ARHGEF18: variants seen among roughly 807,000 people sequenced by gnomAD.
ARHGEF18 encodes rho guanine nucleotide exchange factor 18.
Under a neutral mutation model 155.7 loss-of-function variants are expected in ARHGEF18, and 93 were observed. The observed-to-expected ratio is 0.60, with a 90% CI of 0.50 to 0.71. ARHGEF18 has a LOEUF of 0.71. ARHGEF18 is among the 30% of genes least tolerant of loss of function. The pLI, the probability that ARHGEF18 is intolerant of heterozygous loss-of-function variation, is 0.00. For missense variants in ARHGEF18, 1,593 were observed against 1,816.1 expected (o/e 0.88, Z 2.23); for synonymous variants, 742 against 753.1 (o/e 0.99, Z 0.24).
intron 10 of ARHGEF18, among the ~76,000 whole-genome samples, chr19:7,415,680 A>T (rs996209932): frequency 1.3e-5 from 2 of 151,420 alleles, no homozygotes; most frequent in African/African-American, 4.9e-5. Context: ...TGAAGCGCGT[A>T]TTTGTTAAGC....
intron 17 of ARHGEF18, among the ~76,000 whole-genome samples, chr19:7,455,482 C>G (rs1450737094): frequency 6.6e-6 from 1 of 152,158 alleles, no homozygotes; most frequent in East Asian, 1.9e-4. Context: ...AGCCTTACAG[C>G]ACGAGAGGTT....
At position 7,442,153 on chromosome 19, in the gene ARHGEF18, CCTTCCTTCCTTCCTTCCTTA is replaced by C. The variant is rs1313704314; in HGVS notation, c.1360+102_1360+121del. On this transcript the variant is annotated intron_variant, in intron 13 of 28. Coordinates refer to ENST00000668164, the MANE Select transcript of ARHGEF18 (RefSeq NM_001367823.1). ...TCCTTCCTTCCTTCCTTCCTTCCTT[CCTTCCTTCCTTCCTTCCTTA>C]TCTTTTTCTTTCTTTCTTTCTCTCT... The C allele has an allele frequency of 4.4e-3, 4,143 of 942,978 alleles. 109 individuals are homozygous for C. The African/African-American group carries it at 0.12, about 26-fold the overall frequency. The allele number at this position is 942,978 out of a possible 1,614,324, so 58.4% of individuals were successfully genotyped here. A position where few individuals can be genotyped will look rare whatever the true frequency, so the allele number is the denominator to read the frequency against.
intron 10 of ARHGEF18, among the ~76,000 whole-genome samples, chr19:7,396,446 G>C (rs1246055468): frequency 1.3e-5 from 2 of 152,060 alleles, no homozygotes; most frequent in Non-Finnish European, 2.9e-5. Context: ...GGCTGGGCGC[G>C]GTGGCTCAAG....
chr19:7,477,354 G>A (rs1193575425), downstream of ARHGEF18: 1 of 1,556,744 alleles, frequency 6.4e-7, no homozygotes, highest in East Asian at 2.4e-5. Context: ...GCGTTGGCCA[G>A]GTCGGCCAGG....
At chr19:7,477,466 C>A, downstream of ARHGEF18, 1 of 1,387,950 alleles carries the variant, frequency 7.2e-7, no homozygotes, top group South Asian at 1.6e-5. Flanking sequence ...CGCTTACACT[C>A]ACGCTCACAC....
Position 7,372,890 on chromosome 19 carries a change from T to C in ARHGEF18, c.94T>C (p.Tyr32His), listed in dbSNP as rs947984410. The C allele has an allele frequency of 9.7e-6, 12 of 1,234,256 alleles. No individual in the cohort carries two copies. Among genetic ancestry groups the C allele is most frequent in the Non-Finnish European group, 1.2e-5 (12 of 988,246 alleles). The allele number at this position is 1,234,256 out of a possible 1,614,324, so 76.5% of individuals were successfully genotyped here. ...TTTGGGGGCCCTTCAGGGCAGCGAG[T>C]ATCTGCAGGACCTGGGCCTTGGGGC... ...LDLGALQGSE[Y>H]LQDLGLGAPS... The change falls in exon 3 of 29, where the codon TAT becomes CAT. Residue 32 changes from tyrosine (Y) to histidine (H), a missense_variant. By Grantham distance (83) the Tyr-to-His change is moderately conservative (BLOSUM62 2). Coordinates refer to ENST00000668164, the MANE Select transcript of ARHGEF18 (RefSeq NM_001367823.1).
In ARHGEF18 at chr19:7,440,207, C is replaced by G; in HGVS notation, c.968-137C>G. 1 of 1,551,694 alleles carries G rather than the reference C, an allele frequency of 6.4e-7. No homozygotes were observed. Among genetic ancestry groups the G allele is most frequent in the Non-Finnish European group, 8.7e-7 (1 of 1,147,006 alleles). On this transcript the variant is annotated intron_variant, in intron 10 of 28. Transcript: ENST00000668164. This position sits in a 1 kb window ranked among gnomAD's most constrained non-coding sequence, Gnocchi z 5.4. ...TCCCCAGGAAATGGAGCGAGAACGTCTTCTTGGATAACGAGCTGCTGACCT... is the reference window on the plus strand; with the variant it reads ...TCCCCAGGAAATGGAGCGAGAACGTGTTCTTGGATAACGAGCTGCTGACCT...
chr19:7,370,882 T>C (rs898895225), intron 2 of ARHGEF18, among the ~76,000 whole-genome samples: 1 of 151,474 alleles, frequency 6.6e-6, no homozygotes. Flanking sequence ...GTCGGGTTCA[T>C]AGATTTACCA....
rs1043409 is a variant in ARHGEF18, at chr19:7,471,255, A to T, written c.*957A>T. 0.043 allele frequency: 6,809 copies of T among 159,734 alleles called. 179 individuals carry two copies. The highest frequency in any genetic ancestry group is 0.061 in the Non-Finnish European group (4,443 of 73,184). 9.9% of individuals were successfully genotyped at this position (159,734 alleles called of 1,614,324 possible). A position where few individuals can be genotyped will look rare whatever the true frequency, so the allele number is the denominator to read the frequency against. ...CGCCATGTCCCAGGGCATGCAGAGG[A>T]TGCACCTAGAGACGTTGCAGCAAGT... On this transcript the variant is annotated 3_prime_UTR_variant, in exon 29 of 29. Coordinates refer to ENST00000668164, the MANE Select transcript of ARHGEF18 (RefSeq NM_001367823.1). The surrounding 1 kb of genome is among the most constrained non-coding windows in gnomAD (Gnocchi z 4.4).
At chr19:7,419,281 T>C (rs894301651) in intron 10 of ARHGEF18, among the ~76,000 whole-genome samples, 2 of 114,540 alleles carry the variant, frequency 1.7e-5, no homozygotes, top group African/African-American at 1.2e-4. Context: ...GTGCCCACAC[T>C]CGGCCCCCGC....
At position 7,462,175 on chromosome 19, in the gene ARHGEF18, C is replaced by G. The variant is rs1428545057; in HGVS notation, c.2476C>G (p.Leu826Val). Residue 826 changes from leucine to valine, a missense_variant, in exon 21 of 29, where the codon CTG becomes GTG. Coordinates refer to ENST00000668164, the MANE Select transcript of ARHGEF18 (RefSeq NM_001367823.1). This position sits in a 1 kb window ranked among gnomAD's most constrained non-coding sequence, Gnocchi z 4.4. ...AGAGCGGTTGAGCATGAAAGACCAGCTGATCGCACAGAGCCTCCTAGAGAA... is the reference window on the plus strand; with the variant it reads ...AGAGCGGTTGAGCATGAAAGACCAGGTGATCGCACAGAGCCTCCTAGAGAA... ...FQERLSMKDQ[L>V]IAQSLLEKQQ... 10 of 1,613,948 alleles carry G rather than the reference C, an allele frequency of 6.2e-6. No homozygotes were observed. Among genetic ancestry groups the G allele is most frequent in the Non-Finnish European group, 5.9e-6 (7 of 1,180,026 alleles).
At chr19:7,354,636 A>G (rs986835127) in intron 1 of ARHGEF18, among the ~76,000 whole-genome samples, 5 of 152,016 alleles carry the variant, frequency 3.3e-5, no homozygotes, top group African/African-American at 1.2e-4. Flanking sequence ...ATGTGGCTCA[A>G]TGCCTGCAAT....
chr19:7,362,035 GAGA>G (rs1169219448), intron 1 of ARHGEF18, among the ~76,000 whole-genome samples: 1 of 54,484 alleles, frequency 1.8e-5, no homozygotes, highest in African/African-American at 1.2e-4. Flanking sequence ...GAAGGAGAAG[GAGA>G]AGGAGAAGGA....
intron 17 of ARHGEF18, among the ~76,000 whole-genome samples, chr19:7,455,714 G>A (rs2145854093): frequency 6.6e-6 from 1 of 152,292 alleles, no homozygotes; most frequent in Non-Finnish European, 1.5e-5. Context: ...CAAAGAAAGA[G>A]GTTTAATGGA....
chr19:7,413,443 A>G (rs537976641), intron 10 of ARHGEF18, among the ~76,000 whole-genome samples: 130 of 151,950 alleles, frequency 8.6e-4, no homozygotes, highest in African/African-American at 2.9e-3. Flanking sequence ...CTGGGACTAC[A>G]GGCGCCCGCC....
At chr19:7,409,612 T>A (rs1026473613) in intron 10 of ARHGEF18, among the ~76,000 whole-genome samples, 17 of 150,288 alleles carry the variant, frequency 1.1e-4, no homozygotes, top group African/African-American at 4.2e-4. Context: ...ATTTTTGTAT[T>A]TTTTAGTAAA....
intron 23 of ARHGEF18, among the ~76,000 whole-genome samples, chr19:7,466,306 C>T (rs1260327142): frequency 6.9e-6 from 1 of 145,162 alleles, no homozygotes; most frequent in Non-Finnish European, 1.5e-5. Flanking sequence ...TCACTTGAAC[C>T]AGGAAGGTGG....
Position 7,405,409 on chromosome 19 carries a change from G to T in ARHGEF18, c.967+22206G>T, listed in dbSNP as rs550876228. On this transcript the variant is annotated intron_variant, in intron 10 of 28. Transcript: ENST00000668164. ...AATCTCCCTCTCCTTTCTCTACACA[G>T]ACACCAGTCATAGGCTCTAGGGCCC... Among the ~76,000 whole-genome samples, 8 of 152,178 alleles carry T rather than the reference G, an allele frequency of 5.3e-5. No homozygotes were observed. The South Asian group carries it at 1.7e-3, about 32-fold the overall frequency.
rs60336111 is a variant in ARHGEF18 at position 7,377,785 on chromosome 19, CAA to C, written c.542-593_542-592del. Among the ~76,000 whole-genome samples the C allele has an allele frequency of 9.4e-4, 97 of 103,724 alleles. 1 individual carries two copies. In the South Asian group the frequency reaches 0.01, roughly 11 times the overall value. The allele number at this position is 103,724 out of a possible 152,430, so 68.0% of individuals were successfully genotyped here. ...TCTGGGTGACAGAGTGAAACCGTCT[CAA>C]AAAAAAAAAAAAAAAGGCCTGGTGC... On this transcript the variant is annotated intron_variant, in intron 5 of 28. Transcript: ENST00000668164.
Sources: gnomAD v4.1 joint callset for allele counts (sites outside exome capture counted in the v4.1 genomes callset) on GRCh38, gnomAD v4.1.1 for gene constraint, Gnocchi (gnomAD v3.1) non-coding constraint, MANE v1.5 for transcripts, NCBI Gene and HGNC (gene_info 2026-07-23, HGNC 2026-07-21) for gene names.